The following STPG2 variants were observed in gnomAD, a reference collection of about 807,000 sequenced individuals.
STPG2 encodes sperm tail PG-rich repeat containing 2.
A neutral mutation model predicts 54.2 loss-of-function variants in STPG2; 56 were observed. The observed-to-expected ratio is 1.03, with a 90% CI of 0.83 to 1.29. STPG2 has a LOEUF of 1.29. Ranked by LOEUF, STPG2 falls within the 50% of genes most tolerant of loss-of-function variation. The pLI, the probability that STPG2 is intolerant of heterozygous loss-of-function variation, is 0.00. For missense variants in STPG2, 596 were observed against 544.9 expected, an observed-to-expected ratio of 1.09 and a Z score of -0.93; for synonymous variants, 200 against 181.8, an observed-to-expected ratio of 1.10 and a Z score of -0.81.
intron 5 of STPG2, among the ~76,000 whole-genome samples, chr4:98,057,410 C>T (rs984412403): frequency 6.6e-6 from 1 of 152,012 alleles, no homozygotes; most frequent in African/African-American, 2.4e-5. Context: ...TGTCATAATG[C>T]AATCACAAGT....
At chr4:98,018,189 C>G (rs547378289) in intron 5 of STPG2, among the ~76,000 whole-genome samples, 3 of 152,008 alleles carry the variant, frequency 2.0e-5, no homozygotes, top group African/African-American at 7.2e-5. Flanking sequence ...CACAACAGTC[C>G]CCAGAGTGTG....
chr4:97,980,274 C>T (rs1734630710), intron 6 of STPG2, among the ~76,000 whole-genome samples: 1 of 152,120 alleles, frequency 6.6e-6, no homozygotes, highest in Admixed American at 6.6e-5. Context: ...GGAGTAGGTG[C>T]ATGTAGGAAC....
intron 5 of STPG2, among the ~76,000 whole-genome samples, chr4:98,069,418 T>A (rs548466237): frequency 6.6e-6 from 1 of 152,208 alleles, no homozygotes; most frequent in South Asian, 2.1e-4. Flanking sequence ...CTTTTCCCCA[T>A]CTGTCATCAT....
chr4:97,931,418 C>T (rs1056924311), intron 8 of STPG2, among the ~76,000 whole-genome samples: 1 of 152,072 alleles, frequency 6.6e-6, no homozygotes, highest in Non-Finnish European at 1.5e-5. Flanking sequence ...TATCAGAAGC[C>T]TTTCTGAAGC....
intron 5 of STPG2, among the ~76,000 whole-genome samples, chr4:98,076,959 A>G (rs1738186400): frequency 1.3e-5 from 2 of 152,104 alleles, no homozygotes; most frequent in South Asian, 4.1e-4. Context: ...AAACAAAATG[A>G]TACTATTTCT....
intron 10 of STPG2, among the ~76,000 whole-genome samples, chr4:97,646,350 T>A (rs146863499): frequency 9.5e-4 from 144 of 152,262 alleles, no homozygotes; most frequent in African/African-American, 3.2e-3. Flanking sequence ...ATCAGTCTTA[T>A]TACGGTTGCA....
At chr4:97,906,932 A>G (rs1731451288) in intron 8 of STPG2, among the ~76,000 whole-genome samples, 1 of 151,726 alleles carries the variant, frequency 6.6e-6, no homozygotes, top group South Asian at 2.1e-4. Flanking sequence ...CAAAAACTGG[A>G]AGCATTCCCT....
At chr4:97,709,047 G>A (rs6812613) in intron 10 of STPG2, among the ~76,000 whole-genome samples, 89,289 of 151,416 alleles carry the variant, frequency 0.59, 26,614 homozygotes, top group South Asian at 0.68. Flanking sequence ...CATATTCATG[G>A]GATGTTTATC....
At chr4:97,453,693 T>C (rs894876469) in intron 4 of STPG2, among the ~76,000 whole-genome samples, 2 of 152,156 alleles carry the variant, frequency 1.3e-5, no homozygotes, top group African/African-American at 4.8e-5. Flanking sequence ...CTTCAGGAAG[T>C]TGAAAGTTTG....
chr4:98,056,685 C>T (rs1560658503), intron 5 of STPG2, among the ~76,000 whole-genome samples: 2 of 151,854 alleles, frequency 1.3e-5, no homozygotes, highest in African/African-American at 4.8e-5. Context: ...TCTGTGTGCC[C>T]ACCCAAGTCT....
intron 1 of STPG2, among the ~76,000 whole-genome samples, chr4:98,137,243 A>G (rs546037623): frequency 6.6e-6 from 1 of 151,914 alleles, no homozygotes; most frequent in African/African-American, 2.4e-5. Flanking sequence ...TAACAGGGAT[A>G]AAAGATATAC....
chr4:97,681,837 C>A (rs1723044212), intron 10 of STPG2, among the ~76,000 whole-genome samples: 1 of 151,712 alleles, frequency 6.6e-6, no homozygotes, highest in Non-Finnish European at 1.5e-5. Context: ...TGTGATGTAA[C>A]AATACAATCA....
chr4:97,536,227 C>T (rs1157184255), intron 4 of STPG2, among the ~76,000 whole-genome samples: 2 of 152,172 alleles, frequency 1.3e-5, no homozygotes, highest in Non-Finnish European at 2.9e-5. Context: ...TTCTTGAGTT[C>T]ATTGATCTAT....
At chr4:97,913,915 A>T (rs923869397) in intron 8 of STPG2, among the ~76,000 whole-genome samples, 3 of 152,164 alleles carry the variant, frequency 2.0e-5, no homozygotes, top group African/African-American at 7.2e-5. Context: ...ATACTTCCTG[A>T]CTTTGAGTGT....
intron 8 of STPG2, among the ~76,000 whole-genome samples, chr4:97,884,223 A>C (rs1036492610): frequency 2.6e-5 from 4 of 152,236 alleles, no homozygotes. Context: ...GACAGGGTCC[A>C]ATAAACTCTT....
At chr4:97,886,595 A>T (rs1033419674) in intron 8 of STPG2, among the ~76,000 whole-genome samples, 1 of 152,194 alleles carries the variant, frequency 6.6e-6, no homozygotes, top group African/African-American at 2.4e-5. Flanking sequence ...AAGAACTCAA[A>T]CTAAAGAATA....
intron 8 of STPG2, among the ~76,000 whole-genome samples, chr4:97,910,746 C>G (rs1410689288): frequency 2.6e-5 from 4 of 151,816 alleles, no homozygotes; most frequent in Non-Finnish European, 5.9e-5. Flanking sequence ...ATGACAACAC[C>G]AAGATGGAAC....
chr4:97,538,042 G>A (rs1731582214), intron 4 of STPG2, among the ~76,000 whole-genome samples: 2 of 152,112 alleles, frequency 1.3e-5, no homozygotes, highest in African/African-American at 4.8e-5. Flanking sequence ...AACCCCATCT[G>A]TACGTCACCA....
At chr4:97,780,055 G>A (rs1320242103) in intron 9 of STPG2, among the ~76,000 whole-genome samples, 1 of 142,744 alleles carries the variant, frequency 7.0e-6, no homozygotes, top group Non-Finnish European at 1.5e-5. Flanking sequence ...ACATCAGAAT[G>A]ACAGGATCAA....
Sources: allele counts gnomAD v4.1 joint callset (sites outside exome capture counted in the v4.1 genomes callset), GRCh38; gene constraint gnomAD v4.1.1; transcripts MANE v1.5; gene names NCBI Gene and HGNC (gene_info 2026-07-23, HGNC 2026-07-21).